CSMD1: variants seen among roughly 807,000 people sequenced by gnomAD.
CSMD1 encodes the protein CUB and sushi domain-containing protein 1.
In CSMD1, 213 loss-of-function variants were observed where a neutral mutation model predicts 417.5. The ratio of observed to expected loss-of-function variants is 0.51; its 90% CI spans 0.46 to 0.57. CSMD1 has a LOEUF of 0.57. Among genes scored for constraint, CSMD1 ranks in the 20% least tolerant of loss-of-function variants. CSMD1 has a pLI of 0.00. For synonymous variants in CSMD1, 2,862 were observed against 1,736.8 expected (o/e 1.65, Z -16.11); for missense variants, 6,923 against 4,529.7 (o/e 1.53, Z -15.17).
chr8:3,211,248 T>C (rs148069261), intron 30 of CSMD1, among the ~76,000 whole-genome samples: 1 of 152,260 alleles, frequency 6.6e-6, no homozygotes, highest in Non-Finnish European at 1.5e-5. Flanking sequence ...TCTTGCTATG[T>C]TGTCCAGACT....
intron 5 of CSMD1, among the ~76,000 whole-genome samples, chr8:3,831,921 C>T (rs757893011): frequency 7.2e-5 from 11 of 152,042 alleles, no homozygotes; most frequent in Non-Finnish European, 1.3e-4. Context: ...TTTTAAAATA[C>T]CCCCCAGAGA....
intron 1 of CSMD1, among the ~76,000 whole-genome samples, chr8:4,752,329 T>A (rs1006206895): frequency 2.0e-5 from 3 of 152,228 alleles, no homozygotes; most frequent in African/African-American, 4.8e-5. Context: ...TTGCTTTATG[T>A]ATTTCTCTGT....
chr8:3,337,977 G>C (rs1235954003), intron 23 of CSMD1, among the ~76,000 whole-genome samples: 1 of 152,162 alleles, frequency 6.6e-6, no homozygotes. Flanking sequence ...CACCACGTCT[G>C]AACAGTAGAC....
chr8:3,005,541 G>T (rs1202762749), intron 52 of CSMD1, among the ~76,000 whole-genome samples: 1 of 152,130 alleles, frequency 6.6e-6, no homozygotes, highest in Non-Finnish European at 1.5e-5. Context: ...CTGGCAAAAT[G>T]AATCCAGCAA....
chr8:3,620,390 T>G (rs1802365508), intron 7 of CSMD1, among the ~76,000 whole-genome samples: 1 of 152,086 alleles, frequency 6.6e-6, no homozygotes, highest in African/African-American at 2.4e-5. Context: ...TAAAAAAGTA[T>G]TATACTAAGT....
At chr8:4,761,092 A>C (rs1812011411) in intron 1 of CSMD1, among the ~76,000 whole-genome samples, 1 of 152,118 alleles carries the variant, frequency 6.6e-6, no homozygotes, top group Non-Finnish European at 1.5e-5. Context: ...TGTTAATCAG[A>C]CTGCAGGTAA....
chr8:4,244,063 G>A (rs1163397716), intron 3 of CSMD1, among the ~76,000 whole-genome samples: 1 of 152,174 alleles, frequency 6.6e-6, no homozygotes, highest in African/African-American at 2.4e-5. Flanking sequence ...TAAAGTGCAG[G>A]TAGTCCTGTT....
At chr8:4,356,135 T>C (rs1408633741) in intron 3 of CSMD1, among the ~76,000 whole-genome samples, 1 of 152,178 alleles carries the variant, frequency 6.6e-6, no homozygotes, top group Non-Finnish European at 1.5e-5. Context: ...GTTCCCAAAG[T>C]CCATTGTATC....
intron 1 of CSMD1, among the ~76,000 whole-genome samples, chr8:4,686,804 G>C (rs1390340217): frequency 1.3e-5 from 2 of 152,180 alleles, no homozygotes; most frequent in Non-Finnish European, 2.9e-5. Flanking sequence ...CATTTGAAAG[G>C]TTAGAACCAT....
intron 3 of CSMD1, among the ~76,000 whole-genome samples, chr8:4,400,024 G>C (rs1804540582): frequency 6.6e-6 from 1 of 152,094 alleles, no homozygotes; most frequent in Non-Finnish European, 1.5e-5. Context: ...TCTAGTGGAG[G>C]TAGACAGACA....
intron 1 of CSMD1, among the ~76,000 whole-genome samples, chr8:4,930,232 G>A (rs897998453): frequency 6.6e-6 from 1 of 152,088 alleles, no homozygotes; most frequent in Non-Finnish European, 1.5e-5. Flanking sequence ...CACATATTAG[G>A]CATCTCGTGC....
chr8:3,254,516 C>G (rs762328244), intron 26 of CSMD1, among the ~76,000 whole-genome samples: 4 of 152,202 alleles, frequency 2.6e-5, no homozygotes, highest in Non-Finnish European at 4.4e-5. Flanking sequence ...GTACACCAAT[C>G]AGACGTAGAT....
chr8:4,155,902 C>T (rs79966242), intron 3 of CSMD1, among the ~76,000 whole-genome samples: 176 of 152,218 alleles, frequency 1.2e-3, no homozygotes, highest in African/African-American at 1.6e-3. Context: ...CCAGTAAGTG[C>T]GGGAATGAGC....
At chr8:4,234,979 C>G in intron 3 of CSMD1, among the ~76,000 whole-genome samples, 1 of 152,154 alleles carries the variant, frequency 6.6e-6, no homozygotes, top group South Asian at 2.1e-4. Flanking sequence ...CTCATGGAAT[C>G]TCAATTTTAT....
intron 8 of CSMD1, among the ~76,000 whole-genome samples, chr8:3,606,285 G>T (rs1036061341): frequency 2.6e-5 from 4 of 152,036 alleles, no homozygotes; most frequent in Non-Finnish European, 5.9e-5. Context: ...ATCACAGAGG[G>T]CCCTTACACC....
intron 21 of CSMD1, 57 bp downstream of exon 21, chr8:3,359,095 G>C (rs1462293143): frequency 5.1e-6 from 8 of 1,558,024 alleles, no homozygotes; most frequent in African/African-American, 2.7e-5. Context: ...TAGGCTTCTT[G>C]CCTGGGCTAG....
chr8:4,183,596 T>C (rs909373756), intron 3 of CSMD1, among the ~76,000 whole-genome samples: 11 of 152,188 alleles, frequency 7.2e-5, no homozygotes, highest in Admixed American at 5.9e-4. Flanking sequence ...AAATTCATAA[T>C]TTTGAACTTT....
intron 7 of CSMD1, among the ~76,000 whole-genome samples, chr8:3,680,335 TA>T (rs1563266162): frequency 6.6e-6 from 1 of 151,778 alleles, no homozygotes; most frequent in African/African-American, 2.4e-5. Context: ...ATAGACGCAA[TA>T]AAAAATGACA....
intron 18 of CSMD1, among the ~76,000 whole-genome samples, chr8:3,383,783 T>A (rs1360078247): frequency 1.3e-5 from 2 of 151,970 alleles, no homozygotes; most frequent in African/African-American, 4.8e-5. Flanking sequence ...AGATGATACA[T>A]CAATGTCCAA....
Sources: gnomAD v4.1 joint callset for allele counts (sites outside exome capture counted in the v4.1 genomes callset) on GRCh38, gnomAD v4.1.1 for gene constraint, MANE v1.5 for transcripts, NCBI Gene and HGNC (gene_info 2026-07-23, HGNC 2026-07-21) for gene names.